The following DLGAP2 variants were observed in gnomAD, a reference collection of about 807,000 sequenced individuals.
The protein encoded by DLGAP2 is DLG associated protein 2, also known as disks large-associated protein 2.
In DLGAP2, 26 loss-of-function variants were observed where a neutral mutation model predicts 100.3. That is an observed-to-expected ratio of 0.26 (90% CI 0.19 to 0.36). The LOEUF (loss-of-function observed/expected upper bound fraction) is 0.36. DLGAP2 is among the 10% of genes least tolerant of loss of function. The pLI is 1.00. For missense variants in DLGAP2, 1,858 were observed against 1,453.2 expected, an observed-to-expected ratio of 1.28 and a Z score of -4.53; for synonymous variants, 886 against 630.1, an observed-to-expected ratio of 1.41 and a Z score of -6.08.
intron 6 of DLGAP2, among the ~76,000 whole-genome samples, chr8:1,573,113 T>G (rs1202526021): frequency 3.5e-5 from 3 of 86,096 alleles, no homozygotes; most frequent in African/African-American, 5.0e-5. Flanking sequence ...GGGTGAACTG[T>G]GGGGGCATCT....
At chr8:906,452 G>A (rs886529378) in intron 1 of DLGAP2, among the ~76,000 whole-genome samples, 8 of 152,222 alleles carry the variant, frequency 5.3e-5, no homozygotes, top group African/African-American at 1.9e-4. Flanking sequence ...GCTGGAAAAG[G>A]TGAGTGAATG....
At chr8:1,352,603 C>T (rs1173968418) in intron 3 of DLGAP2, among the ~76,000 whole-genome samples, 1 of 152,128 alleles carries the variant, frequency 6.6e-6, no homozygotes, top group African/African-American at 2.4e-5. Flanking sequence ...TATGTCAATT[C>T]CTGGAAGTTG....
intron 5 of DLGAP2, among the ~76,000 whole-genome samples, chr8:1,564,764 T>C (rs1802329686): frequency 6.6e-6 from 1 of 152,198 alleles, no homozygotes; most frequent in Admixed American, 6.5e-5. Flanking sequence ...GCATAGTTGC[T>C]CAGCTCTGTA....
At chr8:1,025,487 A>G (rs1801771087) in intron 2 of DLGAP2, among the ~76,000 whole-genome samples, 1 of 152,214 alleles carries the variant, frequency 6.6e-6, no homozygotes, top group Non-Finnish European at 1.5e-5. Context: ...ATGTAAATAA[A>G]TACACTAAAA....
chr8:892,925 A>G (rs1211883470), intron 1 of DLGAP2: 1 of 118,762 alleles, frequency 8.4e-6, no homozygotes, highest in Admixed American at 9.1e-5. Context: ...ACCCACCCCC[A>G]TGGAATCCCG....
intron 10 of DLGAP2, among the ~76,000 whole-genome samples, chr8:1,670,211 G>T (rs950864476): frequency 6.6e-6 from 1 of 152,216 alleles, no homozygotes; most frequent in African/African-American, 2.4e-5. Flanking sequence ...CAACTTCTAA[G>T]CACGTGCAGT....
At chr8:1,435,042 A>T (rs59734313) in intron 3 of DLGAP2, among the ~76,000 whole-genome samples, 10 of 152,226 alleles carry the variant, frequency 6.6e-5, no homozygotes, top group African/African-American at 2.4e-4. Flanking sequence ...CAACATTTCA[A>T]TGGTCACTTT....
intron 8 of DLGAP2, among the ~76,000 whole-genome samples, chr8:1,654,480 G>A (rs1472027796): frequency 1.3e-5 from 2 of 151,794 alleles, no homozygotes; most frequent in Non-Finnish European, 2.9e-5. Flanking sequence ...TGGCCAACAT[G>A]GTGAAACCCC....
At chr8:1,598,611 G>A (rs150841272) in intron 6 of DLGAP2, among the ~76,000 whole-genome samples, 1,721 of 152,232 alleles carry the variant, frequency 0.011, 39 homozygotes, top group African/African-American at 0.04. Flanking sequence ...ATGTTTCCAG[G>A]AATGTATCAG....
intron 3 of DLGAP2, among the ~76,000 whole-genome samples, chr8:1,327,275 A>T (rs1801043815): frequency 2.0e-5 from 3 of 152,186 alleles, no homozygotes. Flanking sequence ...GGCGGATGTG[A>T]TGGGCCCACC....
At chr8:1,578,549 A>G (rs556854964) in intron 6 of DLGAP2, among the ~76,000 whole-genome samples, 3 of 152,260 alleles carry the variant, frequency 2.0e-5, no homozygotes, top group South Asian at 4.1e-4. Context: ...GCACTCCTGC[A>G]AAGACTGCAG....
chr8:1,314,718 C>T (rs1019233035), intron 3 of DLGAP2, among the ~76,000 whole-genome samples: 186 of 152,350 alleles, frequency 1.2e-3, no homozygotes, highest in African/African-American at 4.3e-3. Flanking sequence ...CCGCCTCCTG[C>T]TCCGGAGGTC....
intron 1 of DLGAP2, among the ~76,000 whole-genome samples, chr8:804,930 A>T (rs905514537): frequency 4.6e-5 from 7 of 151,694 alleles, no homozygotes; most frequent in African/African-American, 1.7e-4. Flanking sequence ...ACACCTGGCT[A>T]ATTTTTTTTG....
intron 2 of DLGAP2, among the ~76,000 whole-genome samples, chr8:937,483 C>G (rs897532756): frequency 2.6e-5 from 4 of 152,048 alleles, no homozygotes; most frequent in Non-Finnish European, 4.4e-5. Flanking sequence ...TTTAGAATGT[C>G]GCATGATTTT....
chr8:960,851 T>A (rs1315385806), intron 2 of DLGAP2, among the ~76,000 whole-genome samples: 1 of 152,264 alleles, frequency 6.6e-6, no homozygotes, highest in Non-Finnish European at 1.5e-5. Context: ...AAATGCTTCT[T>A]GACTTACGAT....
chr8:1,682,425 G>A (rs1798974241), intron 12 of DLGAP2, among the ~76,000 whole-genome samples: 1 of 151,982 alleles, frequency 6.6e-6, no homozygotes, highest in South Asian at 2.1e-4. Context: ...TGAATTTGAT[G>A]ACGTATAGGG....
chr8:850,321 A>G (rs1421236660), intron 1 of DLGAP2, among the ~76,000 whole-genome samples: 1 of 152,162 alleles, frequency 6.6e-6, no homozygotes, highest in African/African-American at 2.4e-5. Context: ...CAATTTTTTG[A>G]ACCTTCCACC....
chr8:780,810 C>T (rs905716868), intron 1 of DLGAP2, among the ~76,000 whole-genome samples: 2 of 152,216 alleles, frequency 1.3e-5, no homozygotes, highest in African/African-American at 4.8e-5. Flanking sequence ...TGCCCTGTGG[C>T]CAGGTTTGGT....
intron 3 of DLGAP2, among the ~76,000 whole-genome samples, chr8:1,445,517 C>T (rs566562212): frequency 1.3e-5 from 2 of 151,946 alleles, no homozygotes; most frequent in Non-Finnish European, 2.9e-5. Flanking sequence ...GGTTCCAAGT[C>T]TTTGCTATTG....
Sources: gnomAD v4.1 joint callset for allele counts (sites outside exome capture counted in the v4.1 genomes callset) on GRCh38, gnomAD v4.1.1 for gene constraint, MANE v1.5 for transcripts, NCBI Gene and HGNC (gene_info 2026-07-23, HGNC 2026-07-21) for gene names.